The following EYS variants were observed in gnomAD, a reference collection of about 807,000 sequenced individuals.
EYS encodes the protein protein eyes shut homolog.
Under a neutral mutation model 282.1 loss-of-function variants are expected in EYS, and 250 were observed. That is an observed-to-expected ratio of 0.89 (90% CI 0.80 to 0.98). The LOEUF (loss-of-function observed/expected upper bound fraction) is 0.98. Among genes scored for constraint, EYS ranks in the 50% least tolerant of loss-of-function variants. The pLI is 0.00. For missense variants in EYS, 4,016 were observed against 3,709.0 expected (o/e 1.08, Z -2.15); for synonymous variants, 1,355 against 1,282.9 (o/e 1.06, Z -1.20).
chr6:65,170,620 T>C (rs911590872), intron 12 of EYS, among the ~76,000 whole-genome samples: 5 of 151,424 alleles, frequency 3.3e-5, no homozygotes, highest in Non-Finnish European at 7.4e-5. Flanking sequence ...CCAAAAATGG[T>C]TTCAATAGCA....
chr6:64,873,297 G>A (rs1283922816), intron 19 of EYS, among the ~76,000 whole-genome samples: 1 of 152,004 alleles, frequency 6.6e-6, no homozygotes, highest in Non-Finnish European at 1.5e-5. Context: ...GCACGGGAAA[G>A]ACCCATCCCC....
intron 12 of EYS, among the ~76,000 whole-genome samples, chr6:65,069,374 T>A (rs966621070): frequency 6.6e-5 from 10 of 152,132 alleles, no homozygotes; most frequent in African/African-American, 2.4e-4. Flanking sequence ...TTAAGTCAAC[T>A]CAATTTCAGT....
chr6:64,265,832 C>A (rs1767739904), intron 30 of EYS, among the ~76,000 whole-genome samples: 1 of 152,058 alleles, frequency 6.6e-6, no homozygotes, highest in Non-Finnish European at 1.5e-5. Context: ...AATAACTCTT[C>A]TTATTTAGAG....
intron 5 of EYS, among the ~76,000 whole-genome samples, chr6:65,458,302 T>A (rs1242553429): frequency 6.6e-6 from 1 of 152,152 alleles, no homozygotes; most frequent in Non-Finnish European, 1.5e-5. Context: ...ATAATTTCTT[T>A]GTATACATTT....
intron 22 of EYS, among the ~76,000 whole-genome samples, chr6:64,741,315 G>A (rs573261998): frequency 2.6e-5 from 4 of 152,066 alleles, no homozygotes; most frequent in East Asian, 1.9e-4. Context: ...TCTGAAAAAC[G>A]GACTTAACAT....
chr6:63,739,409 T>C (rs1029723356), intron 41 of EYS, among the ~76,000 whole-genome samples: 2 of 152,038 alleles, frequency 1.3e-5, no homozygotes, highest in Non-Finnish European at 2.9e-5. Flanking sequence ...AGTGGCCAGG[T>C]CTTTGGAGCA....
chr6:64,198,149 C>G (rs537495800), intron 31 of EYS, among the ~76,000 whole-genome samples: 2 of 147,432 alleles, frequency 1.4e-5, no homozygotes, highest in South Asian at 4.4e-4. Flanking sequence ...CCCGCCACCA[C>G]GGCCGGCCCG....
At chr6:65,592,822 T>C (rs1246390083) in intron 2 of EYS, among the ~76,000 whole-genome samples, 1 of 152,010 alleles carries the variant, frequency 6.6e-6, no homozygotes, top group Non-Finnish European at 1.5e-5. Flanking sequence ...CCTTTCCTAA[T>C]GTCATTGAGC....
At chr6:64,059,915 GT>G (rs1423563504) in intron 33 of EYS, among the ~76,000 whole-genome samples, 5 of 152,230 alleles carry the variant, frequency 3.3e-5, no homozygotes, top group African/African-American at 1.2e-4. Flanking sequence ...TTGAGCTTGA[GT>G]TTTCCTGCAT....
chr6:65,622,850 C>T (rs541096690), intron 2 of EYS, among the ~76,000 whole-genome samples: 43 of 151,472 alleles, frequency 2.8e-4, no homozygotes, highest in African/African-American at 9.5e-4. Flanking sequence ...TTCAACCTCT[C>T]GGGTCCGGTG....
In EYS at chr6:64,687,606, G is replaced by T. The variant is rs145438981; in HGVS notation, c.3444-61361C>A. Among the ~76,000 whole-genome samples, 1,057 of 152,274 alleles carry T rather than the reference G, an allele frequency of 6.9e-3. 4 individuals carry two copies. The highest frequency in any genetic ancestry group is 9.2e-3 in the Non-Finnish European group (629 of 68,026). On this transcript the variant is annotated intron_variant, in intron 22 of 42. Transcript: ENST00000503581. ...TGGTGGATAAACTTTTTGATATGCG[G>T]CTGGATTCGGTTTGCCAGTATTTTA...
At chr6:64,271,715 T>G (rs1422342549) in intron 30 of EYS, among the ~76,000 whole-genome samples, 4 of 15,136 alleles carry the variant, frequency 2.6e-4, no homozygotes, top group Admixed American at 1.9e-3. Flanking sequence ...TTTTGTGGGT[T>G]TTTTTTGCAT....
chr6:65,423,151 AT>A (rs1434048761), intron 5 of EYS, among the ~76,000 whole-genome samples: 1 of 151,776 alleles, frequency 6.6e-6, no homozygotes, highest in Non-Finnish European at 1.5e-5. Context: ...CAAAACTAAA[AT>A]TTAAAAATTC....
At chr6:64,436,475 T>C (rs2150464202) in intron 27 of EYS, among the ~76,000 whole-genome samples, 1 of 151,940 alleles carries the variant, frequency 6.6e-6, no homozygotes, top group African/African-American at 2.4e-5. Context: ...TATATAGATA[T>C]AAATACACAT....
chr6:64,587,122 T>A (rs1165397507), intron 26 of EYS, among the ~76,000 whole-genome samples: 2 of 152,058 alleles, frequency 1.3e-5, no homozygotes, highest in Non-Finnish European at 2.9e-5. Flanking sequence ...ACTCAAAGAA[T>A]CATGCTGATA....
chr6:65,001,362 T>G (rs999305791), intron 13 of EYS, among the ~76,000 whole-genome samples: 2 of 146,614 alleles, frequency 1.4e-5, no homozygotes, highest in African/African-American at 4.9e-5. Flanking sequence ...TCCCCTGGAG[T>G]TGGGCCGCAC....
chr6:65,681,748 AT>A (rs1171492652), intron 1 of EYS, among the ~76,000 whole-genome samples: 1 of 151,856 alleles, frequency 6.6e-6, no homozygotes, highest in African/African-American at 2.4e-5. Flanking sequence ...TGCTAAACAG[AT>A]TTCTTCTTGA....
chr6:65,480,047 C>T (rs1033095479), intron 5 of EYS, among the ~76,000 whole-genome samples: 1 of 151,568 alleles, frequency 6.6e-6, no homozygotes, highest in African/African-American at 2.4e-5. Context: ...TGCCTGTAGT[C>T]CCAGCTACTT....
At chr6:64,706,304 T>A (rs1771013203) in intron 22 of EYS, among the ~76,000 whole-genome samples, 2 of 152,268 alleles carry the variant, frequency 1.3e-5, no homozygotes, top group South Asian at 4.1e-4. Flanking sequence ...ATCTCTCACC[T>A]TATACAAAAA....
Sources: gnomAD v4.1 joint callset for allele counts (sites outside exome capture counted in the v4.1 genomes callset) on GRCh38, gnomAD v4.1.1 for gene constraint, MANE v1.5 for transcripts, NCBI Gene and HGNC (gene_info 2026-07-23, HGNC 2026-07-21) for gene names.